The following TUBA4A variants were observed in gnomAD, a reference collection of about 807,000 sequenced individuals.
TUBA4A encodes tubulin alpha 4a, also known as tubulin alpha-4A chain.
A neutral mutation model predicts 34.3 loss-of-function variants in TUBA4A; 23 were observed. That is an observed-to-expected ratio of 0.67 (90% CI 0.48 to 0.95). TUBA4A has a LOEUF of 0.95. TUBA4A is among the 40% of genes least tolerant of loss of function. TUBA4A has a pLI of 0.00. For missense variants in TUBA4A, 279 were observed against 599.0 expected, an observed-to-expected ratio of 0.47 and a Z score of 5.58; for synonymous variants, 216 against 230.5, an observed-to-expected ratio of 0.94 and a Z score of 0.57.
chr2:219,253,956 G>T (rs886528154), upstream of TUBA4A: 6 of 1,182,452 alleles, frequency 5.1e-6, no homozygotes, highest in African/African-American at 4.8e-5. Flanking sequence ...TAGGCGGGGG[G>T]GGGGCGGGGC....
Position 219,252,382 on chromosome 2 carries a change from C to T in TUBA4A, c.4-152G>A. On this transcript the variant is annotated intron_variant, in intron 1 of 3. Transcript: ENST00000248437. This position sits in a 1 kb window ranked among gnomAD's most constrained non-coding sequence, Gnocchi z 4.1. The stretch of plus-strand genomic sequence containing the variant: ...CTGGGCAGAGGTGAGAAGAGAGTAG[C>T]AGCCTGCCCGGGCTCCCAGGTACAG... The T allele has an allele frequency of 1.3e-6, 1 of 781,546 alleles. No individual in the cohort carries two copies. The highest frequency in any genetic ancestry group is 2.0e-6 in the Non-Finnish European group (1 of 494,302). The allele number at this position is 781,546 out of a possible 1,614,324, so 48.4% of individuals were successfully genotyped here.
In TUBA4A at chr2:219,252,251, A is replaced by ACC; in HGVS notation, c.4-22_4-21insGG. On this transcript the variant is annotated intron_variant, in intron 1 of 3. Coordinates refer to ENST00000248437, the MANE Select transcript of TUBA4A (RefSeq NM_006000.3). This position sits in a 1 kb window ranked among gnomAD's most constrained non-coding sequence, Gnocchi z 4.1. ...TCACGCTGAGGGATAGAGAGAGGGG[A>ACC]CACAGCATGAGCCCCACATCCACAA... 1.3e-6 allele frequency: 2 copies of ACC among 1,596,532 alleles called. No homozygotes were observed. The highest frequency in any genetic ancestry group is 1.7e-6 in the Non-Finnish European group (2 of 1,164,848).
Position 219,252,255 on chromosome 2 carries a change from A to G in TUBA4A, c.4-25T>C. ...GCTGAGGGATAGAGAGAGGGGACAC[A>G]GCATGAGCCCCACATCCACAAGTCC... On this transcript the variant is annotated intron_variant, in intron 1 of 3. Coordinates refer to ENST00000248437, the MANE Select transcript of TUBA4A (RefSeq NM_006000.3). This position sits in a 1 kb window ranked among gnomAD's most constrained non-coding sequence, Gnocchi z 4.1. The G allele has an allele frequency of 5.0e-6, 8 of 1,596,762 alleles. No homozygotes were observed. Among genetic ancestry groups the G allele is most frequent in the Non-Finnish European group, 6.9e-6 (8 of 1,165,368 alleles).
In TUBA4A at chr2:219,252,681, T is replaced by A; in HGVS notation, c.4-451A>T. On this transcript the variant is annotated intron_variant, in intron 1 of 3. Transcript: ENST00000248437. The surrounding 1 kb of genome is among the most constrained non-coding windows in gnomAD (Gnocchi z 4.1). ...ATCAACTGACCACACGCCATCAGGA[T>A]GCCCTCCTCCCTCACCTTTAAATCC... is the stretch of plus-strand genomic sequence containing the variant. 2 of 438,700 alleles carry A rather than the reference T, an allele frequency of 4.6e-6. No homozygotes were observed. Among genetic ancestry groups the A allele is most frequent in the South Asian group, 3.3e-5 (2 of 61,130 alleles). The allele number at this position is 438,700 out of a possible 1,614,324, so 27.2% of individuals were successfully genotyped here.
Position 219,252,351 on chromosome 2 carries a change from T to C in TUBA4A, c.4-121A>G. On this transcript the variant is annotated intron_variant, in intron 1 of 3. Transcript: ENST00000248437. The surrounding 1 kb of genome is among the most constrained non-coding windows in gnomAD (Gnocchi z 4.1). ...TGACTCAGTTGGCAAGAGTGGAGGG[T>C]TGGGGCTGGGCAGAGGTGAGAAGAG... The C allele has an allele frequency of 9.9e-7, 1 of 1,006,686 alleles. No individual in the cohort carries two copies. 62.4% of individuals were successfully genotyped at this position (1,006,686 alleles called of 1,614,324 possible).
In TUBA4A at chr2:219,250,970, G is replaced by A. The variant is rs190009503; in HGVS notation, c.729C>T (p.Arg243=). The change falls in exon 4 of 4, where the codon CGC becomes CGT. Residue 243 remains arginine (R), a synonymous_variant. Coordinates refer to ENST00000248437, the MANE Select transcript of TUBA4A (RefSeq NM_006000.3). The surrounding 1 kb of genome is among the most constrained non-coding windows in gnomAD (Gnocchi z 8.4). ...QIVSSITASL[R]FDGALNVDLT... ...GGTCCACATTGAGGGCCCCGTCAAA[G>A]CGCAGAGAAGCTGTGATGGAGGAGA... 4.3e-6 allele frequency: 7 copies of A among 1,614,194 alleles called. No homozygotes were observed. The East Asian group carries it at 1.6e-4, about 36-fold the overall frequency.
chr2:219,251,862 G>T lies in TUBA4A; in HGVS notation c.226+146C>A. 1 of 1,351,810 alleles carries T rather than the reference G, an allele frequency of 7.4e-7. No individual in the cohort carries two copies. The highest frequency in any genetic ancestry group is 1.0e-6 in the Non-Finnish European group (1 of 985,616). 83.7% of individuals were successfully genotyped at this position (1,351,810 alleles called of 1,614,324 possible). ...AAACCCAGACCAGCTGCCCAGGCCA[G>T]TCTCAGATCAGCTTGCCTTCTGCAG... On this transcript the variant is annotated intron_variant, in intron 2 of 3. Coordinates refer to ENST00000248437, the MANE Select transcript of TUBA4A (RefSeq NM_006000.3). This position sits in a 1 kb window ranked among gnomAD's most constrained non-coding sequence, Gnocchi z 6.1.
chr2:219,253,352 C>T (rs1168855082), intron 1 of TUBA4A: 5 of 1,524,552 alleles, frequency 3.3e-6, no homozygotes, highest in Non-Finnish European at 4.4e-6. Context: ...GGTGCTGAGT[C>T]ACGGGGGGGG....
chr2:219,252,331 C>A lies in TUBA4A; in HGVS notation c.4-101G>T. 8.5e-7 allele frequency: 1 copy of A among 1,170,728 alleles called. No homozygotes were observed. Among genetic ancestry groups the A allele is most frequent in the South Asian group, 1.4e-5 (1 of 70,762 alleles). 72.5% of individuals were successfully genotyped at this position (1,170,728 alleles called of 1,614,324 possible). On this transcript the variant is annotated intron_variant, in intron 1 of 3. Transcript: ENST00000248437. The surrounding 1 kb of genome is among the most constrained non-coding windows in gnomAD (Gnocchi z 4.1). ...CTATCATCTACCAGCTAGGATGACT[C>A]AGTTGGCAAGAGTGGAGGGTTGGGG...
intron 1 of TUBA4A, chr2:219,253,289 T>G: frequency 6.6e-7 from 1 of 1,508,004 alleles, no homozygotes; most frequent in Non-Finnish European, 8.8e-7. Flanking sequence ...GAGGGCCAGC[T>G]CGCTTCAGGA....
In TUBA4A at chr2:219,251,591, G is replaced by A. The variant is rs762123008; in HGVS notation, c.349C>T (p.Pro117Ser). Residue 117 changes from proline to serine, a missense_variant, in exon 3 of 4, where the codon CCA (proline) becomes TCA (serine). Transcript: ENST00000248437. The surrounding 1 kb of genome is among the most constrained non-coding windows in gnomAD (Gnocchi z 6.1). ...HYTIGKEIID[P>S]VLDRIRKLSD... Reference sequence around the variant, plus strand: ...AGCTTGCGGATCCGATCCAGCACTGGGTCAATGATCTCCTTGCCAATGGTA... The same window carrying A: ...AGCTTGCGGATCCGATCCAGCACTGAGTCAATGATCTCCTTGCCAATGGTA... 1.9e-6 allele frequency: 3 copies of A among 1,614,070 alleles called. No individual in the cohort carries two copies. In the South Asian group the frequency reaches 3.3e-5, roughly 18 times the overall value.
chr2:219,253,360 G>T (rs777534114), intron 1 of TUBA4A: 66 of 1,533,846 alleles, frequency 4.3e-5, no homozygotes, highest in Middle Eastern at 3.4e-4. Context: ...GTCACGGGGG[G>T]GGGGTGGTTC....
Position 219,251,739 on chromosome 2 carries a change from A to G in TUBA4A, c.227-26T>C. The stretch of plus-strand genomic sequence containing the variant: ...CTGGAAGGGCAAAAACCACAAAGCT[A>G]TGCTCAGCAGGGACCTTCCTCCCCC... On this transcript the variant is annotated intron_variant, in intron 2 of 3. Coordinates refer to ENST00000248437, the MANE Select transcript of TUBA4A (RefSeq NM_006000.3). This position sits in a 1 kb window ranked among gnomAD's most constrained non-coding sequence, Gnocchi z 6.1. 6.2e-7 allele frequency: 1 copy of G among 1,605,376 alleles called. No individual in the cohort carries two copies. The highest frequency in any genetic ancestry group is 8.5e-7 in the Non-Finnish European group (1 of 1,174,094).
rs769071340 is a variant in TUBA4A, at chr2:219,252,540, GC to G, written c.4-311del. Among the ~76,000 whole-genome samples, 956 of 140,382 alleles carry G rather than the reference GC, an allele frequency of 6.8e-3. 10 individuals are homozygous for G. The highest frequency in any genetic ancestry group is 0.022 in the African/African-American group (780 of 35,514). The allele number at this position is 140,382 out of a possible 152,430, so 92.1% of individuals were successfully genotyped here. A position where few individuals can be genotyped will look rare whatever the true frequency, so the allele number is the denominator to read the frequency against. ...TAGAGGTATGGGTTTACAGCTAGAGGCCCCCCCCCCACTTGATTAATTATTT... is the reference window on the plus strand; with the variant it reads ...TAGAGGTATGGGTTTACAGCTAGAGGCCCCCCCCCACTTGATTAATTATTT... On this transcript the variant is annotated intron_variant, in intron 1 of 3. Coordinates refer to ENST00000248437, the MANE Select transcript of TUBA4A (RefSeq NM_006000.3). The surrounding 1 kb of genome is among the most constrained non-coding windows in gnomAD (Gnocchi z 4.1).
In TUBA4A at chr2:219,250,214, CA is replaced by C; in HGVS notation, c.*137del. On this transcript the variant is annotated 3_prime_UTR_variant, in exon 4 of 4. Transcript: ENST00000248437. The surrounding 1 kb of genome is among the most constrained non-coding windows in gnomAD (Gnocchi z 8.4). The stretch of plus-strand genomic sequence containing the variant: ...TGGAAGGGATAAGGGTCATGAACAG[CA>C]AACAGAGCAGCAGCAGCATGAAGGG... 1 of 1,291,494 alleles carries C rather than the reference CA, an allele frequency of 7.7e-7. No homozygotes were observed. Among genetic ancestry groups the C allele is most frequent in the Admixed American group, 2.3e-5 (1 of 44,342 alleles). 80.0% of individuals were successfully genotyped at this position (1,291,494 alleles called of 1,614,324 possible).
chr2:219,250,324 CA>C lies in TUBA4A; in HGVS notation c.*27del, dbSNP rs1559275547. 6.3e-7 allele frequency: 1 copy of C among 1,578,320 alleles called. No individual in the cohort carries two copies. Among genetic ancestry groups the C allele is most frequent in the South Asian group, 1.1e-5 (1 of 87,090 alleles). On this transcript the variant is annotated 3_prime_UTR_variant, in exon 4 of 4. Coordinates refer to ENST00000248437, the MANE Select transcript of TUBA4A (RefSeq NM_006000.3). This position sits in a 1 kb window ranked among gnomAD's most constrained non-coding sequence, Gnocchi z 8.4. Reference sequence around the variant, plus strand: ...TATTTCGAAAGGATTTTGCAATAAACATAGTGAATAGGCTCCAGGCAGCTGC... The same window carrying C: ...TATTTCGAAAGGATTTTGCAATAAACTAGTGAATAGGCTCCAGGCAGCTGC...
In TUBA4A at chr2:219,250,895, G is replaced by A. The variant is rs1574884274; in HGVS notation, c.804C>T (p.Pro268=). 1 of 1,614,180 alleles carries A rather than the reference G, an allele frequency of 6.2e-7. No individual in the cohort carries two copies. Among genetic ancestry groups the A allele is most frequent in the South Asian group, 1.1e-5 (1 of 91,082 alleles). Residue 268 remains proline, a synonymous_variant, in exon 4 of 4, where the codon CCC becomes CCT. Transcript: ENST00000248437. The surrounding 1 kb of genome is among the most constrained non-coding windows in gnomAD (Gnocchi z 8.4). ...NLVPYPRIHF[P]LATYAPVISA... ...AGATGACTGGTGCATAGGTGGCCAGGGGGAAGTGGATGCGAGGGTAGGGCA... is the reference window on the plus strand; with the variant it reads ...AGATGACTGGTGCATAGGTGGCCAGAGGGAAGTGGATGCGAGGGTAGGGCA...
At position 219,251,448 on chromosome 2, in the gene TUBA4A, C is replaced by T; in HGVS notation, c.375+117G>A. ...GCAAATACTGAGGATGCCATAGCAG[C>T]ACCACACTCGAGACCATGTATAGTT... On this transcript the variant is annotated intron_variant, in intron 3 of 3. Coordinates refer to ENST00000248437, the MANE Select transcript of TUBA4A (RefSeq NM_006000.3). This position sits in a 1 kb window ranked among gnomAD's most constrained non-coding sequence, Gnocchi z 6.1. 6.5e-7 allele frequency: 1 copy of T among 1,535,680 alleles called. No homozygotes were observed. Among genetic ancestry groups the T allele is most frequent in the Non-Finnish European group, 8.8e-7 (1 of 1,135,838 alleles).
upstream of TUBA4A, chr2:219,254,041 C>G (rs923742209): frequency 3.7e-6 from 2 of 537,350 alleles, no homozygotes; most frequent in Admixed American, 3.9e-5. Flanking sequence ...GCGGCCCCCC[C>G]GAGGGGCGGA....
Sources: allele counts gnomAD v4.1 joint callset (sites outside exome capture counted in the v4.1 genomes callset), GRCh38; gene constraint gnomAD v4.1.1; non-coding constraint Gnocchi (gnomAD v3.1); transcripts MANE v1.5; gene names NCBI Gene and HGNC (gene_info 2026-07-23, HGNC 2026-07-21).